Variants in CFAP54 observed in about 807,000 individuals in gnomAD.
CFAP54 encodes cilia- and flagella-associated protein 54.
Under a neutral mutation model 370.4 loss-of-function variants are expected in CFAP54, and 290 were observed. The observed-to-expected ratio is 0.78, with a 90% CI of 0.71 to 0.86. CFAP54 has a LOEUF of 0.86. Among genes scored for constraint, CFAP54 ranks in the 40% least tolerant of loss-of-function variants. The probability of loss-of-function intolerance (pLI) is 0.00; values close to 1 mark genes in which losing one functional copy is unlikely to be tolerated. For synonymous variants in CFAP54, 1,206 were observed against 1,236.5 expected, an observed-to-expected ratio of 0.98 and a Z score of 0.52; for missense variants, 3,399 against 3,528.7, an observed-to-expected ratio of 0.96 and a Z score of 0.93.
Position 96,500,890 on chromosome 12 carries a change from A to T in CFAP54, c.374A>T (p.Tyr125Phe). 1 of 1,535,914 alleles carries T rather than the reference A, an allele frequency of 6.5e-7. No individual in the cohort carries two copies. The change falls in exon 2 of 68, where the codon TAT becomes TTT. Residue 125 changes from tyrosine to phenylalanine, a missense_variant. Physicochemically the swap from Tyr to Phe is conservative, Grantham distance 22 (BLOSUM62 3). Transcript: ENST00000524981. ...TACGCCCCCAGGCTGCCAGCAGACT[A>T]TTACAACGAAAAGCTTCTGAAGGTT... ...TKYAPRLPADYYNEKLLKVGD... is the reference protein window; with the variant it reads ...TKYAPRLPADFYNEKLLKVGD...
chr12:96,718,315 T>C, intron 48 of CFAP54, 128 bp from the exon 49 acceptor site: 1 of 577,426 alleles, frequency 1.7e-6, no homozygotes, highest in Non-Finnish European at 3.2e-6. Context: ...GCTGAGATTG[T>C]GCCACTGTGC....
At position 96,648,016 on chromosome 12, in the gene CFAP54, A is replaced by G; in HGVS notation, c.4689A>G (p.Ser1563=). ...AAAAAAGAAAGGCCAACTTACCATCAGGTAAAATAAACATGTTAGTTTATT... is the reference window on the plus strand; with the variant it reads ...AAAAAAGAAAGGCCAACTTACCATCGGGTAAAATAAACATGTTAGTTTATT... ...TAKKRKANLP[S]DAEEFSTFIN... The change falls in exon 34 of 68, where the codon TCA becomes TCG. Residue 1563 remains serine (S), a splice_region_variant and synonymous_variant. Coordinates refer to ENST00000524981, the MANE Select transcript of CFAP54 (RefSeq NM_001306084.2). 1 of 1,498,788 alleles carries G rather than the reference A, an allele frequency of 6.7e-7. No homozygotes were observed. Among genetic ancestry groups the G allele is most frequent in the African/African-American group, 1.4e-5 (1 of 70,614 alleles). The allele number at this position is 1,498,788 out of a possible 1,614,324, so 92.8% of individuals were successfully genotyped here.
chr12:96,718,998 A>C (rs1313030931), intron 49 of CFAP54, among the ~76,000 whole-genome samples: 1 of 152,126 alleles, frequency 6.6e-6, no homozygotes, highest in African/African-American at 2.4e-5. Flanking sequence ...ATATCACGCC[A>C]CTGCATTCTA....
At chr12:96,583,455 CTACCAAATCAAGTAGTGA>C (rs1368250928) in intron 22 of CFAP54, among the ~76,000 whole-genome samples, 1 of 152,070 alleles carries the variant, frequency 6.6e-6, no homozygotes, top group African/African-American at 2.4e-5. Context: ...AATTGTTGAA[CTACCAAATCAAGTAGTGA>C]GTGGGCACAA....
intron 65 of CFAP54, among the ~76,000 whole-genome samples, chr12:96,826,561 TA>T (rs1234378397): frequency 5.9e-5 from 5 of 84,700 alleles, no homozygotes; most frequent in African/African-American, 2.3e-4. Flanking sequence ...ATATAATATA[TA>T]ATATATAATA....
chr12:96,792,612 T>C, intron 63 of CFAP54, 113 bp downstream of exon 63: 1 of 729,788 alleles, frequency 1.4e-6, no homozygotes, highest in East Asian at 2.9e-5. Context: ...AGAACAGGTA[T>C]CAATATATAA....
intron 65 of CFAP54, among the ~76,000 whole-genome samples, chr12:96,821,766 G>C (rs1592785107): frequency 6.7e-6 from 1 of 149,192 alleles, no homozygotes; most frequent in African/African-American, 2.5e-5. Context: ...GACTAAATCT[G>C]CTAGTTTGTT....
chr12:96,838,744 A>G (rs1298282939), intron 66 of CFAP54, among the ~76,000 whole-genome samples: 1 of 152,226 alleles, frequency 6.6e-6, no homozygotes, highest in African/African-American at 2.4e-5. Flanking sequence ...ACCATATCAG[A>G]TGGGAAAGAC....
At chr12:96,857,647 AG>A (rs1008833602) in intron 66 of CFAP54, among the ~76,000 whole-genome samples, 4 of 152,040 alleles carry the variant, frequency 2.6e-5, no homozygotes, top group Admixed American at 6.6e-5. Context: ...ACCTGGTGGG[AG>A]GTGATTGGAT....
At chr12:96,641,784 T>C (rs1956730896) in intron 32 of CFAP54, among the ~76,000 whole-genome samples, 1 of 152,150 alleles carries the variant, frequency 6.6e-6, no homozygotes, top group Non-Finnish European at 1.5e-5. Context: ...CGTAGGGACA[T>C]GGATGAAGCT....
intron 63 of CFAP54, among the ~76,000 whole-genome samples, chr12:96,793,065 T>C (rs1171828326): frequency 6.6e-6 from 1 of 152,124 alleles, no homozygotes; most frequent in Non-Finnish European, 1.5e-5. Context: ...ATTTTTTAAT[T>C]TCAATAGGTT....
intron 39 of CFAP54, among the ~76,000 whole-genome samples, chr12:96,667,649 T>C (rs897179440): frequency 2.0e-5 from 3 of 152,166 alleles, no homozygotes; most frequent in Non-Finnish European, 4.4e-5. Context: ...GAAATCCTTT[T>C]TCTCTGGTAG....
At position 96,489,887 on chromosome 12, in the gene CFAP54, C is replaced by T. The variant is rs1307907268; in HGVS notation, c.278C>T (p.Ala93Val). ...TTTATGAGGAAAAAGAAGGCTTTAG[C>T]CACCACGGAGGAAGAGAAGCACGAA... ...LGFMRKKKALATTEEEKHEFR... is the reference protein window; with the variant it reads ...LGFMRKKKALVTTEEEKHEFR... The change falls in exon 1 of 68, where the codon GCC (alanine) becomes GTC (valine). Residue 93 changes from alanine to valine, a missense_variant. Transcript: ENST00000524981. 6 of 1,534,870 alleles carry T rather than the reference C, an allele frequency of 3.9e-6. No homozygotes were observed. Among genetic ancestry groups the T allele is most frequent in the Non-Finnish European group, 5.2e-6 (6 of 1,145,952 alleles).
intron 26 of CFAP54, among the ~76,000 whole-genome samples, chr12:96,615,236 A>C (rs1222818072): frequency 2.6e-5 from 4 of 152,236 alleles, no homozygotes; most frequent in African/African-American, 7.2e-5. Context: ...ATCTTTGACA[A>C]ACCTGACAAA....
intron 14 of CFAP54, among the ~76,000 whole-genome samples, chr12:96,542,901 T>G (rs1252475160): frequency 6.6e-6 from 1 of 152,218 alleles, no homozygotes; most frequent in Non-Finnish European, 1.5e-5. Flanking sequence ...ATACTCCCCT[T>G]TCAAGACGTT....
Position 96,764,238 on chromosome 12 carries a change from G to A in CFAP54, c.8128G>A (p.Ala2710Thr). The A allele has an allele frequency of 6.2e-7, 1 of 1,611,338 alleles. No homozygotes were observed. The highest frequency in any genetic ancestry group is 8.5e-7 in the Non-Finnish European group (1 of 1,178,302). ...YSSLAWIAIR[A>T]AAQVSEAVLA... Reference sequence around the variant, plus strand: ...TTCATTAGCCTGGATTGCAATAAGAGCTGCTGCACAGGTTGGTGTGATTTT... The same window carrying A: ...TTCATTAGCCTGGATTGCAATAAGAACTGCTGCACAGGTTGGTGTGATTTT... Residue 2710 changes from alanine (A) to threonine (T), a missense_variant, in exon 59 of 68, where the codon GCT becomes ACT. Ala to Thr is a moderately conservative substitution (Grantham distance 58, BLOSUM62 0). Coordinates refer to ENST00000524981, the MANE Select transcript of CFAP54 (RefSeq NM_001306084.2).
At chr12:96,811,521 A>G (rs1958927899) in intron 63 of CFAP54, among the ~76,000 whole-genome samples, 1 of 152,210 alleles carries the variant, frequency 6.6e-6, no homozygotes, top group Non-Finnish European at 1.5e-5. Flanking sequence ...ATAATATCAT[A>G]TTGTTACCAA....
chr12:96,507,534 T>TACACACACAC (rs34776926), intron 4 of CFAP54, among the ~76,000 whole-genome samples: 2,104 of 140,676 alleles, frequency 0.015, 37 homozygotes, highest in African/African-American at 0.043. Context: ...CACACACACA[T>TACACACACAC]ACACACACAC....
intron 65 of CFAP54, among the ~76,000 whole-genome samples, chr12:96,825,048 G>A (rs534729789): frequency 1.3e-4 from 19 of 149,868 alleles, no homozygotes; most frequent in African/African-American, 3.7e-4. Flanking sequence ...CCCACCCTAC[G>A]CGCCCCACAA....
Sources: gnomAD v4.1 joint callset for allele counts (sites outside exome capture counted in the v4.1 genomes callset) on GRCh38, gnomAD v4.1.1 for gene constraint, MANE v1.5 for transcripts, NCBI Gene and HGNC (gene_info 2026-07-23, HGNC 2026-07-21) for gene names.